Variants in IRGM observed in about 807,000 individuals in gnomAD.
IRGM encodes the protein immunity related GTPase M, also known as immunity-related GTPase family M protein.
For missense variants in IRGM, 288 were observed against 219.9 expected (o/e 1.31, Z -1.96); for synonymous variants, 98 against 80.6 (o/e 1.22, Z -1.16).
chr5:150,873,005 C>A (rs1754307451), intron 1 of IRGM, among the ~76,000 whole-genome samples: 1 of 152,206 alleles, frequency 6.6e-6, no homozygotes, highest in Non-Finnish European at 1.5e-5. Flanking sequence ...ACCGCAGTCA[C>A]TCAACTACAA....
chr5:150,877,929 A>G (rs760374475), intron 1 of IRGM: 11 of 437,678 alleles, frequency 2.5e-5, no homozygotes, highest in Non-Finnish European at 4.5e-5. Flanking sequence ...TTTTGTTTGC[A>G]TGTTTAAATC....
At chr5:150,862,165 G>T in intron 1 of IRGM, among the ~76,000 whole-genome samples, 1 of 152,232 alleles carries the variant, frequency 6.6e-6, no homozygotes, top group East Asian at 1.9e-4. Flanking sequence ...GTGAGTTGAA[G>T]CCACCCTCAG....
At chr5:150,897,304 T>C (rs1035893783) in intron 3 of IRGM, 1 of 211,462 alleles carries the variant, frequency 4.7e-6, no homozygotes, top group Non-Finnish European at 9.3e-6. Context: ...ATATTATAAA[T>C]CATGTGCTAC....
At chr5:150,890,203 C>A (rs1032004207) in intron 3 of IRGM, among the ~76,000 whole-genome samples, 3 of 151,944 alleles carry the variant, frequency 2.0e-5, no homozygotes, top group Non-Finnish European at 4.4e-5. Context: ...TGATATAGGA[C>A]TATTTATGTT....
chr5:150,856,409 C>T lies in IRGM; in HGVS notation c.158+7755C>T, dbSNP rs189462276. The stretch of plus-strand genomic sequence containing the variant: ...TCGCACCACTGCACTCCAGCCTGGG[C>T]AACAGAGCGAGACGTTGTCTCAAAA... On this transcript the variant is annotated intron_variant and NMD_transcript_variant, in intron 1 of 3. Transcript: ENST00000520549. Among the ~76,000 whole-genome samples the T allele has an allele frequency of 9.4e-4, 143 of 151,936 alleles. 1 individual carries two copies. The highest frequency in any genetic ancestry group is 3.3e-3 in the African/African-American group (137 of 41,426).
Position 150,848,111 on chromosome 5 carries a change from T to C in IRGM, c.-13T>C, listed in dbSNP as rs1386172857. 8.5e-6 allele frequency: 13 copies of C among 1,530,992 alleles called. No homozygotes were observed. Among genetic ancestry groups the C allele is most frequent in the African/African-American group, 1.4e-5 (1 of 72,410 alleles). 94.8% of individuals were successfully genotyped at this position (1,530,992 alleles called of 1,614,324 possible). A position where few individuals can be genotyped will look rare whatever the true frequency, so the allele number is the denominator to read the frequency against. On this transcript the variant is annotated 5_prime_UTR_variant, in exon 2 of 2. Coordinates refer to ENST00000522154, the MANE Select transcript of IRGM (RefSeq NM_001145805.2). ...CCACGGCGCCTGGCCAGCATTGGGGTATTTTATTGAAGATGGAAGCCATGA... is the reference window on the plus strand; with the variant it reads ...CCACGGCGCCTGGCCAGCATTGGGGCATTTTATTGAAGATGGAAGCCATGA...
intron 1 of IRGM, among the ~76,000 whole-genome samples, chr5:150,853,851 G>A (rs540910020): frequency 6.6e-6 from 1 of 152,052 alleles, no homozygotes; most frequent in Admixed American, 6.6e-5. Context: ...ACATATAATT[G>A]TATCACATCT....
intron 1 of IRGM, among the ~76,000 whole-genome samples, chr5:150,856,353 C>A (rs1754049000): frequency 6.6e-6 from 1 of 152,092 alleles, no homozygotes; most frequent in Non-Finnish European, 1.5e-5. Context: ...ATTGCTTGAA[C>A]CTGGGAGGCA....
chr5:150,898,110 T>G (rs1366639186), intron 3 of IRGM: 1 of 1,613,728 alleles, frequency 6.2e-7, no homozygotes, highest in Non-Finnish European at 8.5e-7. Context: ...CAATTTGATA[T>G]GTCTCCCTTT....
intron 1 of IRGM, among the ~76,000 whole-genome samples, chr5:150,868,104 G>T (rs10476753): frequency 0.034 from 5,112 of 152,072 alleles, 274 homozygotes; most frequent in African/African-American, 0.12. Flanking sequence ...TATGTTTTCA[G>T]GTCTTAGACT....
At chr5:150,849,848 G>A (rs59842057), downstream of IRGM, among the ~76,000 whole-genome samples, 20,245 of 151,822 alleles carry the variant, frequency 0.13, 1,791 homozygotes, top group East Asian at 0.39. Flanking sequence ...CTTGTGATCC[G>A]CCTGCCTTGG....
chr5:150,893,253 A>G (rs1180655488), intron 3 of IRGM, among the ~76,000 whole-genome samples: 1 of 152,166 alleles, frequency 6.6e-6, no homozygotes, highest in Non-Finnish European at 1.5e-5. Flanking sequence ...AAGTGTCTAC[A>G]GGTAATTATC....
At chr5:150,851,078 A>C (rs1167121811), downstream of IRGM, among the ~76,000 whole-genome samples, 2 of 152,214 alleles carry the variant, frequency 1.3e-5, no homozygotes, top group African/African-American at 4.8e-5. Flanking sequence ...ACTGGAAAAG[A>C]AGGATAGATC....
chr5:150,858,281 C>T (rs946776628), intron 1 of IRGM, among the ~76,000 whole-genome samples: 1 of 152,040 alleles, frequency 6.6e-6, no homozygotes, highest in Non-Finnish European at 1.5e-5. Flanking sequence ...TTCCATTGGT[C>T]TATATCTCTG....
At chr5:150,882,596 C>T (rs895914859) in intron 3 of IRGM, among the ~76,000 whole-genome samples, 3 of 152,084 alleles carry the variant, frequency 2.0e-5, no homozygotes, top group Admixed American at 1.3e-4. Context: ...ATAAAATAAA[C>T]TTTAAGTCAA....
chr5:150,882,548 A>T (rs180831484), intron 3 of IRGM, among the ~76,000 whole-genome samples: 37 of 152,324 alleles, frequency 2.4e-4, no homozygotes, highest in African/African-American at 8.7e-4. Context: ...CCATGTAAAT[A>T]AAAACCAAGA....
intron 1 of IRGM, among the ~76,000 whole-genome samples, chr5:150,868,097 G>T (rs1384871676): frequency 6.6e-6 from 1 of 152,020 alleles, no homozygotes; most frequent in Admixed American, 6.6e-5. Context: ...GAATTTTTAT[G>T]TTTTCAGGTC....
chr5:150,871,116 G>T (rs1253160023), intron 1 of IRGM, among the ~76,000 whole-genome samples: 1 of 152,196 alleles, frequency 6.6e-6, no homozygotes, highest in Non-Finnish European at 1.5e-5. Flanking sequence ...AGGTGAAACT[G>T]AAAGCAATGG....
At chr5:150,879,537 G>T (rs1372669055) in intron 2 of IRGM, 1 of 152,152 alleles carries the variant, frequency 6.6e-6, no homozygotes, top group Non-Finnish European at 1.5e-5. Flanking sequence ...CTAGGCACTG[G>T]GGGTATAACT....
Sources: allele counts gnomAD v4.1 joint callset (sites outside exome capture counted in the v4.1 genomes callset), GRCh38; gene constraint gnomAD v4.1.1; transcripts MANE v1.5; gene names NCBI Gene and HGNC (gene_info 2026-07-23, HGNC 2026-07-21).